The following NOP14 variants were observed in gnomAD, a reference collection of about 807,000 sequenced individuals.
NOP14 encodes the protein NOP14 nucleolar protein, also known as nucleolar protein 14.
A neutral mutation model predicts 101.6 loss-of-function variants in NOP14; 57 were observed. The ratio of observed to expected loss-of-function variants is 0.56; its 90% CI spans 0.45 to 0.70. NOP14 has a LOEUF of 0.70. NOP14 is among the 30% of genes least tolerant of loss of function. NOP14 has a pLI of 0.00. For missense variants in NOP14, 1,134 were observed against 1,075.5 expected (o/e 1.05, Z -0.76); for synonymous variants, 428 against 424.0 (o/e 1.01, Z -0.12).
At chr4:2,952,816 G>T (rs998534875) in intron 5 of NOP14, among the ~76,000 whole-genome samples, 1 of 152,176 alleles carries the variant, frequency 6.6e-6, no homozygotes, top group Non-Finnish European at 1.5e-5. Flanking sequence ...GGTGGCACGC[G>T]CCTGTAATCC....
intron 17 of NOP14, 93 bp downstream of exon 17, chr4:2,939,095 T>C: frequency 5.1e-6 from 8 of 1,563,400 alleles, no homozygotes; most frequent in Non-Finnish European, 5.3e-6. Context: ...GCCAAGGCTG[T>C]GGGATGCCAG....
chr4:2,955,680 C>T (rs927256137), intron 3 of NOP14, among the ~76,000 whole-genome samples: 1 of 152,262 alleles, frequency 6.6e-6, no homozygotes, highest in Non-Finnish European at 1.5e-5. Flanking sequence ...AGGATCTCCC[C>T]AGGGAATGCG....
chr4:2,961,131 A>T (rs1395276341), intron 1 of NOP14, among the ~76,000 whole-genome samples: 10 of 75,052 alleles, frequency 1.3e-4, no homozygotes, highest in Non-Finnish European at 1.7e-4. Context: ...TATTATAATA[A>T]TATATTAATA....
At chr4:2,948,430 C>G in intron 8 of NOP14, 22 bp from the exon 9 acceptor site, 1 of 1,584,346 alleles carries the variant, frequency 6.3e-7, no homozygotes, top group East Asian at 2.3e-5. Context: ...ACAAAACATA[C>G]TGCACATTTA....
chr4:2,947,996 A>G (rs907205674), intron 9 of NOP14, among the ~76,000 whole-genome samples: 3 of 152,240 alleles, frequency 2.0e-5, no homozygotes, highest in African/African-American at 7.2e-5. Flanking sequence ...CACGCTGGCT[A>G]TGTGAACCCT....
chr4:2,946,251 G>A (rs963248300), intron 11 of NOP14, among the ~76,000 whole-genome samples, 161 bp downstream of exon 11: 4 of 150,746 alleles, frequency 2.7e-5, no homozygotes, highest in East Asian at 1.9e-4. Flanking sequence ...CCTCACTGCC[G>A]TGCACTCTCA....
At chr4:2,955,147 C>G (rs1177564961) in intron 3 of NOP14, among the ~76,000 whole-genome samples, 1 of 128,528 alleles carries the variant, frequency 7.8e-6, no homozygotes, top group Non-Finnish European at 1.7e-5. Context: ...CACCTGCACC[C>G]CACGGCGCCC....
In NOP14 at chr4:2,938,161, C is replaced by A; in HGVS notation, c.*670G>T. The A allele has an allele frequency of 7.8e-7, 1 of 1,280,862 alleles. No homozygotes were observed. Among genetic ancestry groups the A allele is most frequent in the Non-Finnish European group, 1.0e-6 (1 of 984,392 alleles). 79.3% of individuals were successfully genotyped at this position (1,280,862 alleles called of 1,614,324 possible). A position where few individuals can be genotyped will look rare whatever the true frequency, so the allele number is the denominator to read the frequency against. ...TCATCAGGTGACGTTTTAACAGAAA[C>A]AAAACCGCAGGCAGCGGGTGGGGGG... On this transcript the variant is annotated 3_prime_UTR_variant, in exon 18 of 18. Coordinates refer to ENST00000416614, the MANE Select transcript of NOP14 (RefSeq NM_001291978.2).
At chr4:2,961,269 AG>A (rs1485222172) in intron 1 of NOP14, 1 of 147,196 alleles carries the variant, frequency 6.8e-6, no homozygotes, top group African/African-American at 2.5e-5. Context: ...TAATATAGTT[AG>A]TATATTAATA....
intron 12 of NOP14, among the ~76,000 whole-genome samples, chr4:2,944,649 C>T (rs2471349): frequency 0.32 from 49,195 of 151,980 alleles, 8,212 homozygotes; most frequent in African/African-American, 0.36. Context: ...TCAGGTGATC[C>T]GCCCGCCTCA....
intron 9 of NOP14, 85 bp from the exon 10 acceptor site, chr4:2,947,696 A>G: frequency 8.8e-7 from 1 of 1,132,826 alleles, no homozygotes; most frequent in South Asian, 1.3e-5. Context: ...GATCACGTAC[A>G]TTCTGGTGAC....
intron 3 of NOP14, among the ~76,000 whole-genome samples, chr4:2,955,877 AC>A (rs1715316938): frequency 1.3e-5 from 2 of 152,006 alleles, no homozygotes; most frequent in African/African-American, 4.8e-5. Context: ...TAAGCCTTTT[AC>A]CCCCTGGATT....
At chr4:2,944,748 C>G (rs1043801684) in intron 12 of NOP14, among the ~76,000 whole-genome samples, 1 of 152,168 alleles carries the variant, frequency 6.6e-6, no homozygotes, top group Non-Finnish European at 1.5e-5. Flanking sequence ...CCATACAGAG[C>G]GTACGATTAC....
chr4:2,963,139 G>A lies in NOP14; in HGVS notation c.181C>T (p.Arg61Trp), dbSNP rs768605401. The A allele has an allele frequency of 1.5e-5, 23 of 1,563,490 alleles. No individual in the cohort carries two copies. The highest frequency in any genetic ancestry group is 1.9e-5 in the Non-Finnish European group (22 of 1,157,950). Residue 61 changes from arginine to tryptophan, a missense_variant, in exon 1 of 18, where the codon CGG (arginine) becomes TGG (tryptophan). Physicochemically the swap from Arg to Trp is moderately radical, Grantham distance 101 (BLOSUM62 -3). Transcript: ENST00000416614. Reference sequence around the variant, plus strand: ...CCCCCGCTTACCTTCCTGAGGGCCCGTGCGCGAGACACCCCGGGCAGTCCC... The same window carrying A: ...CCCCCGCTTACCTTCCTGAGGGCCCATGCGCGAGACACCCCGGGCAGTCCC... The part of the protein sequence containing the change: ...DVGLPGVSRA[R>W]ALRKRTQTLL...
chr4:2,952,444 C>G, intron 5 of NOP14, 47 bp from the exon 6 acceptor site: 5 of 1,477,566 alleles, frequency 3.4e-6, no homozygotes, highest in Non-Finnish European at 4.5e-6. Context: ...ATATTTATTT[C>G]TTATTTTACA....
In NOP14 at chr4:2,944,246, G is replaced by A. The variant is rs1183849658; in HGVS notation, c.1738-20C>T. 3.1e-6 allele frequency: 5 copies of A among 1,606,542 alleles called. No individual in the cohort carries two copies. Among genetic ancestry groups the A allele is most frequent in the South Asian group, 1.1e-5 (1 of 89,392 alleles). ...GGGGCACTGGAAAGGAACATATGGGGGGTTACTGTCCTGGGACGATGTCAT... is the reference window on the plus strand; with the variant it reads ...GGGGCACTGGAAAGGAACATATGGGAGGTTACTGTCCTGGGACGATGTCAT... On this transcript the variant is annotated intron_variant, in intron 12 of 17. Transcript: ENST00000416614.
intron 1 of NOP14, among the ~76,000 whole-genome samples, chr4:2,958,270 A>G (rs1233436316): frequency 2.0e-5 from 3 of 152,218 alleles, no homozygotes; most frequent in African/African-American, 4.8e-5. Context: ...TACGGTTAGC[A>G]AGTATCAAAT....
rs749284487 is a variant in NOP14 at position 2,950,054 on chromosome 4, T to C, written c.1162A>G (p.Ser388Gly). 1 of 1,614,100 alleles carries C rather than the reference T, an allele frequency of 6.2e-7. No homozygotes were observed. The stretch of plus-strand genomic sequence containing the variant: ...GCTGGCTTCTCGTTTTCTTCCTCAC[T>C]CTCCACGTTGGATTCCAGGTCCAAG... ...SHLDLESNVESEEENEKPAKE... is the reference protein window; with the variant it reads ...SHLDLESNVEGEEENEKPAKE... The change falls in exon 8 of 18, where the codon AGT becomes GGT. Residue 388 changes from serine to glycine, a missense_variant. By Grantham distance (56) the Ser-to-Gly change is moderately conservative. Transcript: ENST00000416614.
At chr4:2,953,427 C>T (rs1049074235) in intron 5 of NOP14, 84 bp downstream of exon 5, 24 of 1,465,056 alleles carry the variant, frequency 1.6e-5, no homozygotes, top group South Asian at 1.2e-4. Flanking sequence ...GTAGAAGAGC[C>T]GTCCAGCCCC....
Sources: allele counts gnomAD v4.1 joint callset (sites outside exome capture counted in the v4.1 genomes callset), GRCh38; gene constraint gnomAD v4.1.1; transcripts MANE v1.5; gene names NCBI Gene and HGNC (gene_info 2026-07-23, HGNC 2026-07-21).